Variants in PAIP2 observed in about 807,000 individuals in gnomAD.
PAIP2 encodes the protein poly(A) binding protein interacting protein 2.
In PAIP2, 7 loss-of-function variants were observed where a neutral mutation model predicts 14.8. The ratio of observed to expected loss-of-function variants is 0.47; its 90% CI spans 0.27 to 0.89. PAIP2 has a LOEUF of 0.89. Ranked by LOEUF, PAIP2 falls within the 40% of genes least tolerant of loss-of-function variation. PAIP2 has a pLI of 0.13. For missense variants in PAIP2, 122 were observed against 154.7 expected (o/e 0.79, Z 1.12); for synonymous variants, 47 against 45.3 (o/e 1.04, Z -0.15).
intron 1 of PAIP2, among the ~76,000 whole-genome samples, chr5:139,361,144 A>G (rs1454972791): frequency 6.6e-6 from 1 of 151,966 alleles, no homozygotes; most frequent in African/African-American, 2.4e-5. Flanking sequence ...TTTTTAGTTG[A>G]GGACCTCTCA....
intron 1 of PAIP2, among the ~76,000 whole-genome samples, chr5:139,347,524 T>C (rs1756590005): frequency 6.6e-6 from 1 of 152,158 alleles, no homozygotes; most frequent in Non-Finnish European, 1.5e-5. Context: ...TCCACCCACC[T>C]TGGCCTCCCA....
intron 1 of PAIP2, among the ~76,000 whole-genome samples, chr5:139,348,133 G>A (rs1376834502): frequency 3.6e-5 from 5 of 139,954 alleles, no homozygotes; most frequent in African/African-American, 1.4e-4. Context: ...GCAACAGAGT[G>A]AGACTCCATG....
At chr5:139,358,360 A>G (rs1460416984) in intron 1 of PAIP2, among the ~76,000 whole-genome samples, 1 of 152,240 alleles carries the variant, frequency 6.6e-6, no homozygotes, top group Non-Finnish European at 1.5e-5. Context: ...TTTAAGAAAA[A>G]TATATACCAC....
chr5:139,359,609 G>A (rs1232228920), intron 1 of PAIP2, among the ~76,000 whole-genome samples: 1 of 152,200 alleles, frequency 6.6e-6, no homozygotes, highest in East Asian at 1.9e-4. Flanking sequence ...GCCATTCACA[G>A]TGTTAGAGGA....
At chr5:139,357,789 C>T (rs571785661) in intron 1 of PAIP2, among the ~76,000 whole-genome samples, 9 of 152,098 alleles carry the variant, frequency 5.9e-5, no homozygotes, top group African/African-American at 1.2e-4. Flanking sequence ...TGAGATTACG[C>T]GACTACACTC....
At chr5:139,365,963 A>G (rs1339548606) in intron 3 of PAIP2, among the ~76,000 whole-genome samples, 1 of 152,110 alleles carries the variant, frequency 6.6e-6, no homozygotes, top group East Asian at 1.9e-4. Flanking sequence ...ACACTTTGGG[A>G]CGCCGAGGCA....
intron 1 of PAIP2, among the ~76,000 whole-genome samples, chr5:139,362,560 G>A (rs1757101138): frequency 6.6e-6 from 1 of 151,938 alleles, no homozygotes; most frequent in Non-Finnish European, 1.5e-5. Context: ...ACAGGCATGT[G>A]CCACCACGCC....
chr5:139,353,177 AC>A (rs1414011135), intron 1 of PAIP2, among the ~76,000 whole-genome samples: 2 of 150,690 alleles, frequency 1.3e-5, no homozygotes, highest in Non-Finnish European at 3.0e-5. Flanking sequence ...TTCCTCTGTG[AC>A]TTATTTGTAC....
At chr5:139,361,024 G>T (rs988369605) in intron 1 of PAIP2, among the ~76,000 whole-genome samples, 1 of 151,970 alleles carries the variant, frequency 6.6e-6, no homozygotes, top group Non-Finnish European at 1.5e-5. Context: ...CAAGCAGTCC[G>T]CCTGCTTTGT....
intron 1 of PAIP2, among the ~76,000 whole-genome samples, chr5:139,352,582 CTG>C (rs1756779963): frequency 1.3e-5 from 2 of 148,806 alleles, no homozygotes; most frequent in South Asian, 4.2e-4. Context: ...ACCGCAACCT[CTG>C]CCTCAGCCTC....
chr5:139,367,116 T>C (rs1757295661), intron 3 of PAIP2: 1 of 152,210 alleles, frequency 6.6e-6, no homozygotes, highest in South Asian at 2.1e-4. Context: ...TTTTAAAATG[T>C]AGATACATTA....
chr5:139,368,146 T>A (rs543825156), intron 3 of PAIP2, among the ~76,000 whole-genome samples: 1 of 152,084 alleles, frequency 6.6e-6, no homozygotes, highest in East Asian at 1.9e-4. Flanking sequence ...CCATCCTGGC[T>A]AACATGGTGA....
chr5:139,354,882 G>A (rs951097619), intron 1 of PAIP2, among the ~76,000 whole-genome samples: 13 of 147,046 alleles, frequency 8.8e-5, no homozygotes, highest in African/African-American at 1.3e-4. Flanking sequence ...GTGCAGTGGC[G>A]TGGTCTCAGC....
chr5:139,361,141 T>A (rs1323852653), intron 1 of PAIP2, among the ~76,000 whole-genome samples: 1 of 152,080 alleles, frequency 6.6e-6, no homozygotes, highest in Non-Finnish European at 1.5e-5. Context: ...AAATTTTTAG[T>A]TGAGGACCTC....
intron 3 of PAIP2, 85 bp from the exon 4 acceptor site, chr5:139,368,648 A>C: frequency 1.2e-6 from 1 of 852,502 alleles, no homozygotes; most frequent in East Asian, 2.5e-5. Context: ...TTTTTTTTGG[A>C]AGATGTTTTT....
At chr5:139,354,584 C>G (rs1351504740) in intron 1 of PAIP2, among the ~76,000 whole-genome samples, 2 of 152,074 alleles carry the variant, frequency 1.3e-5, no homozygotes, top group Non-Finnish European at 2.9e-5. Flanking sequence ...AGGCTGTTAT[C>G]TCTTCAAATG....
At chr5:139,343,334 G>A (rs1271038578) in intron 1 of PAIP2, 1 of 152,202 alleles carries the variant, frequency 6.6e-6, no homozygotes, top group Non-Finnish European at 1.5e-5. Context: ...TTTAAGGGAT[G>A]GAGGTTAGGG....
intron 1 of PAIP2, among the ~76,000 whole-genome samples, chr5:139,360,147 A>G (rs1245400242): frequency 1.3e-5 from 2 of 151,244 alleles, no homozygotes; most frequent in African/African-American, 2.4e-5. Flanking sequence ...TTGTATTTTT[A>G]GTAGAGACGG....
At chr5:139,346,751 A>G (rs543398663) in intron 1 of PAIP2, among the ~76,000 whole-genome samples, 1 of 151,876 alleles carries the variant, frequency 6.6e-6, no homozygotes, top group African/African-American at 2.4e-5. Context: ...GATGGCCTCA[A>G]TCTCTTGACC....
Sources: gnomAD v4.1 joint callset for allele counts (sites outside exome capture counted in the v4.1 genomes callset) on GRCh38, gnomAD v4.1.1 for gene constraint, MANE v1.5 for transcripts, NCBI Gene and HGNC (gene_info 2026-07-23, HGNC 2026-07-21) for gene names.